Variants in DDAH1 observed in about 807,000 individuals in gnomAD.
DDAH1 encodes the protein N(G),N(G)-dimethylarginine dimethylaminohydrolase 1.
Under a neutral mutation model 28.8 loss-of-function variants are expected in DDAH1, and 19 were observed. That is an observed-to-expected ratio of 0.66 (90% CI 0.46 to 0.97). The LOEUF is 0.97. Among genes scored for constraint, DDAH1 ranks in the 50% least tolerant of loss-of-function variants. The pLI is 0.00. For synonymous variants in DDAH1, 153 were observed against 154.4 expected (o/e 0.99, Z 0.07); for missense variants, 326 against 375.9 (o/e 0.87, Z 1.10).
At chr1:85,538,429 A>G (rs1273981283) in intron 1 of DDAH1, among the ~76,000 whole-genome samples, 3 of 152,194 alleles carry the variant, frequency 2.0e-5, no homozygotes, top group Non-Finnish European at 4.4e-5. Context: ...CAGATCCTAA[A>G]CCATATGGTA....
chr1:85,518,254 C>T (rs555270177), intron 1 of DDAH1, among the ~76,000 whole-genome samples: 1 of 152,132 alleles, frequency 6.6e-6, no homozygotes, highest in South Asian at 2.1e-4. Context: ...TAACAAATCA[C>T]CACAATTTTA....
In DDAH1 at chr1:85,372,837, A is replaced by C. The variant is rs530679185; in HGVS notation, c.304-13990T>G. On this transcript the variant is annotated intron_variant, in intron 1 of 5. Coordinates refer to ENST00000284031, the MANE Select transcript of DDAH1 (RefSeq NM_012137.4). ...ATTTACTGTCTTTTTCCTTGAACCA[A>C]GGCAGAGCTGGCTAGGATCCATTGT... Among the ~76,000 whole-genome samples, 4 of 152,254 alleles carry C rather than the reference A, an allele frequency of 2.6e-5. No individual in the cohort carries two copies. In the East Asian group the frequency reaches 7.7e-4, roughly 29 times the overall value.
intron 1 of DDAH1, among the ~76,000 whole-genome samples, chr1:85,440,728 T>C (rs940923376): frequency 3.9e-5 from 6 of 152,218 alleles, no homozygotes; most frequent in African/African-American, 1.4e-4. Context: ...CAACATAAAT[T>C]ACAAAGTTTC....
Position 85,436,232 on chromosome 1 carries a change from A to T in DDAH1, c.303+28511T>A, listed in dbSNP as rs867279917. Among the ~76,000 whole-genome samples, 261 of 122,262 alleles carry T rather than the reference A, an allele frequency of 2.1e-3. 1 individual carries two copies. The highest frequency in any genetic ancestry group is 5.2e-3 in the African/African-American group (194 of 37,474). 80.2% of individuals were successfully genotyped at this position (122,262 alleles called of 152,430 possible). A position where few individuals can be genotyped will look rare whatever the true frequency, so the allele number is the denominator to read the frequency against. Reference sequence around the variant, plus strand: ...TGGCTAATATTCTTGTGATAATTTAAAAAATTTTTTTTTCCCTTTATTTTA... The same window carrying T: ...TGGCTAATATTCTTGTGATAATTTATAAAATTTTTTTTTCCCTTTATTTTA... On this transcript the variant is annotated intron_variant, in intron 1 of 5. Coordinates refer to ENST00000284031, the MANE Select transcript of DDAH1 (RefSeq NM_012137.4).
chr1:85,554,219 C>G (rs1281299897), intron 1 of DDAH1, among the ~76,000 whole-genome samples: 1 of 151,454 alleles, frequency 6.6e-6, no homozygotes, highest in Admixed American at 6.6e-5. Context: ...GAAAGAGAGG[C>G]CAGCTCAAGA....
chr1:85,333,855 G>T (rs72722676), intron 4 of DDAH1, among the ~76,000 whole-genome samples: 3,254 of 152,246 alleles, frequency 0.021, 48 homozygotes, highest in Non-Finnish European at 0.03. Flanking sequence ...AAGTTTAATG[G>T]CATAGAAAAA....
intron 1 of DDAH1, among the ~76,000 whole-genome samples, chr1:85,506,650 T>C (rs1289339309): frequency 6.6e-6 from 1 of 152,138 alleles, no homozygotes; most frequent in Non-Finnish European, 1.5e-5. Context: ...TATGAGGCAG[T>C]AGGAGAACAC....
chr1:85,351,187 C>T lies in DDAH1; in HGVS notation c.477+319G>A, dbSNP rs185087042. Among the ~76,000 whole-genome samples, 28 of 152,062 alleles carry T rather than the reference C, an allele frequency of 1.8e-4. No individual in the cohort carries two copies. In the East Asian group the frequency reaches 4.5e-3, roughly 24 times the overall value. ...CTGGGATTATAGGTGTGAGCCATCACGCCCGGCCTTCCAGATTTTTTTTTA... is the reference window on the plus strand; with the variant it reads ...CTGGGATTATAGGTGTGAGCCATCATGCCCGGCCTTCCAGATTTTTTTTTA... On this transcript the variant is annotated intron_variant, in intron 3 of 5. Coordinates refer to ENST00000284031, the MANE Select transcript of DDAH1 (RefSeq NM_012137.4).
At chr1:85,564,080 G>A (rs1659215023) in intron 1 of DDAH1, among the ~76,000 whole-genome samples, 1 of 152,170 alleles carries the variant, frequency 6.6e-6, no homozygotes, top group Admixed American at 6.5e-5. Flanking sequence ...GCTGAGGCAG[G>A]GGAACCGCTT....
intron 1 of DDAH1, among the ~76,000 whole-genome samples, chr1:85,432,064 G>A (rs1159845123): frequency 3.3e-5 from 5 of 152,198 alleles, no homozygotes; most frequent in Admixed American, 6.5e-5. Context: ...CAGGAAACAC[G>A]TGGTAACTTT....
chr1:85,467,089 G>A (rs375452652), upstream of DDAH1, among the ~76,000 whole-genome samples: 23 of 151,710 alleles, frequency 1.5e-4, no homozygotes, highest in Non-Finnish European at 2.7e-4. Context: ...CGCCTGCCTC[G>A]GCCTCCCAAC....
chr1:85,498,879 G>A (rs1003249660), intron 1 of DDAH1, among the ~76,000 whole-genome samples: 5 of 151,980 alleles, frequency 3.3e-5, no homozygotes, highest in Admixed American at 6.6e-5. Flanking sequence ...CAGAGATCAC[G>A]CCACTGCCTT....
chr1:85,461,369 C>T (rs1655118754), intron 1 of DDAH1, among the ~76,000 whole-genome samples: 2 of 152,156 alleles, frequency 1.3e-5, no homozygotes, highest in Admixed American at 1.3e-4. Context: ...CCCATTCAGG[C>T]AAACACTGGG....
chr1:85,324,251 C>T (rs1215340610), intron 5 of DDAH1, among the ~76,000 whole-genome samples: 3 of 133,058 alleles, frequency 2.3e-5, no homozygotes, highest in Admixed American at 2.2e-4. Flanking sequence ...GCCTGGGTAA[C>T]AGAGTGAGAC....
At chr1:85,345,330 CATT>C (rs946648027) in intron 4 of DDAH1, among the ~76,000 whole-genome samples, 10 of 65,636 alleles carry the variant, frequency 1.5e-4, no homozygotes, top group African/African-American at 4.8e-4. Flanking sequence ...ATTTGTCTTA[CATT>C]ATTTTTTTTT....
intron 2 of DDAH1, among the ~76,000 whole-genome samples, chr1:85,477,923 G>C (rs1655858292): frequency 6.6e-6 from 1 of 151,836 alleles, no homozygotes; most frequent in South Asian, 2.1e-4. Flanking sequence ...TCTCTATTCA[G>C]TTTTTGTTAT....
At chr1:85,508,751 G>A (rs547509956) in intron 1 of DDAH1, among the ~76,000 whole-genome samples, 1 of 152,372 alleles carries the variant, frequency 6.6e-6, no homozygotes, top group South Asian at 2.1e-4. Context: ...TCTGTGAGGC[G>A]GCAGCCTGGC....
chr1:85,561,449 A>C (rs1659139055), intron 1 of DDAH1, among the ~76,000 whole-genome samples: 1 of 152,074 alleles, frequency 6.6e-6, no homozygotes, highest in Non-Finnish European at 1.5e-5. Context: ...ACCTAATAGA[A>C]GAGCTACTTT....
chr1:85,460,294 A>T (rs1475946397), intron 1 of DDAH1, among the ~76,000 whole-genome samples: 1 of 152,240 alleles, frequency 6.6e-6, no homozygotes, highest in African/African-American at 2.4e-5. Flanking sequence ...AAAGGGGAAC[A>T]TCTATCCAAA....
Sources: allele counts gnomAD v4.1 joint callset (sites outside exome capture counted in the v4.1 genomes callset), GRCh38; gene constraint gnomAD v4.1.1; transcripts MANE v1.5; gene names NCBI Gene and HGNC (gene_info 2026-07-23, HGNC 2026-07-21).